Variants in KCNB2 observed in about 807,000 individuals in gnomAD.
KCNB2 encodes delayed rectifier potassium channel protein.
In KCNB2, 15 loss-of-function variants were observed where a neutral mutation model predicts 61.5. The ratio of observed to expected loss-of-function variants is 0.24; its 90% CI spans 0.16 to 0.38. The LOEUF (loss-of-function observed/expected upper bound fraction) is 0.38, where lower values mean the gene tolerates loss of function less well. KCNB2 is among the 10% of genes least tolerant of loss of function. The pLI, the probability that KCNB2 is intolerant of heterozygous loss-of-function variation, is 1.00. For synonymous variants in KCNB2, 457 were observed against 446.0 expected (o/e 1.02, Z -0.31); for missense variants, 828 against 1,125.2 (o/e 0.74, Z 3.78).
intron 2 of KCNB2, among the ~76,000 whole-genome samples, chr8:72,860,251 A>G (rs1810277864): frequency 6.6e-6 from 1 of 151,312 alleles, no homozygotes; most frequent in South Asian, 2.1e-4. Context: ...TTGAGGAACC[A>G]TCAGACTTTT....
At chr8:72,674,473 C>T (rs1450857649) in intron 2 of KCNB2, among the ~76,000 whole-genome samples, 12 of 152,190 alleles carry the variant, frequency 7.9e-5, no homozygotes, top group African/African-American at 2.7e-4. Context: ...CTTGAAGAAG[C>T]AGTGTACAAT....
chr8:72,716,300 T>A (rs1415253822), intron 2 of KCNB2, among the ~76,000 whole-genome samples: 3 of 152,152 alleles, frequency 2.0e-5, no homozygotes, highest in African/African-American at 4.8e-5. Flanking sequence ...GAATCCTCCC[T>A]AACTCATTTT....
chr8:72,772,681 T>G (rs1407494703), intron 2 of KCNB2, among the ~76,000 whole-genome samples: 3 of 152,212 alleles, frequency 2.0e-5, no homozygotes, highest in African/African-American at 7.2e-5. Flanking sequence ...GTAGGAAATA[T>G]CTACAGTATT....
intron 2 of KCNB2, among the ~76,000 whole-genome samples, chr8:72,825,759 T>C (rs1453836461): frequency 6.6e-6 from 1 of 152,182 alleles, no homozygotes; most frequent in African/African-American, 2.4e-5. Flanking sequence ...TTTTTTTAAT[T>C]GTCGAGTTAT....
chr8:72,553,493 T>C (rs1208738296), intron 1 of KCNB2, among the ~76,000 whole-genome samples: 1 of 152,190 alleles, frequency 6.6e-6, no homozygotes, highest in Non-Finnish European at 1.5e-5. Flanking sequence ...CTCAGGGCTT[T>C]CATGCTAAAT....
At chr8:72,622,791 G>A (rs1300493274) in intron 2 of KCNB2, among the ~76,000 whole-genome samples, 1 of 152,136 alleles carries the variant, frequency 6.6e-6, no homozygotes, top group Non-Finnish European at 1.5e-5. Context: ...TTTGAAGTGG[G>A]TTTATCTCCG....
intron 2 of KCNB2, among the ~76,000 whole-genome samples, chr8:72,845,008 G>A (rs566589094): frequency 6.6e-6 from 1 of 152,316 alleles, no homozygotes; most frequent in South Asian, 2.1e-4. Flanking sequence ...TCTTTTGAAG[G>A]AAAAGAGGTG....
chr8:72,890,095 G>C (rs1011522035), intron 2 of KCNB2, among the ~76,000 whole-genome samples: 1 of 152,158 alleles, frequency 6.6e-6, no homozygotes, highest in Non-Finnish European at 1.5e-5. Context: ...AAGAAGGATG[G>C]AGAACATGTT....
At chr8:72,611,624 C>T (rs891146528) in intron 2 of KCNB2, among the ~76,000 whole-genome samples, 3 of 152,154 alleles carry the variant, frequency 2.0e-5, no homozygotes, top group Admixed American at 6.6e-5. Context: ...GTGTAGCAAC[C>T]GGCTTTGCTG....
intron 2 of KCNB2, among the ~76,000 whole-genome samples, chr8:72,730,813 A>G (rs1435675207): frequency 1.3e-5 from 2 of 152,214 alleles, no homozygotes; most frequent in Non-Finnish European, 2.9e-5. Flanking sequence ...GCCAACTTGG[A>G]CAATTTCTTA....
At chr8:72,589,641 T>G (rs184920396) in intron 2 of KCNB2, among the ~76,000 whole-genome samples, 3 of 152,324 alleles carry the variant, frequency 2.0e-5, no homozygotes, top group Admixed American at 2.0e-4. Context: ...CTAATTCTGT[T>G]GACATATTTT....
At position 72,888,002 on chromosome 8, in the gene KCNB2, G is replaced by T. The variant is rs1805834078; in HGVS notation, c.580-47933G>T. 1.3e-5 allele frequency among the ~76,000 whole-genome samples: 2 copies of T among 152,238 alleles called. 1 individual carries two copies. The highest frequency in any genetic ancestry group is 4.1e-4 in the South Asian group (2 of 4,828). ...CCACCTGTGTGTCTTGTCTCCCCAA[G>T]ATTTTAAGCTCCTTAGGCAAGAGCC... On this transcript the variant is annotated intron_variant, in intron 2 of 2. Coordinates refer to ENST00000523207, the MANE Select transcript of KCNB2 (RefSeq NM_004770.3).
chr8:72,594,080 A>G (rs960065854), intron 2 of KCNB2, among the ~76,000 whole-genome samples: 2 of 152,178 alleles, frequency 1.3e-5, no homozygotes, highest in African/African-American at 4.8e-5. Flanking sequence ...ATCTCAAGGA[A>G]TTTAGAGTCT....
intron 2 of KCNB2, among the ~76,000 whole-genome samples, chr8:72,890,676 C>T (rs910935524): frequency 3.3e-5 from 5 of 152,160 alleles, no homozygotes; most frequent in African/African-American, 9.7e-5. Context: ...ACTATAACCC[C>T]GTTTTCCAGA....
At chr8:72,716,344 G>C (rs1252009955) in intron 2 of KCNB2, among the ~76,000 whole-genome samples, 1 of 152,056 alleles carries the variant, frequency 6.6e-6, no homozygotes, top group African/African-American at 2.4e-5. Context: ...CCAAAGCCTG[G>C]CAGAGACACG....
At chr8:72,911,164 G>A (rs760549106) in intron 2 of KCNB2, among the ~76,000 whole-genome samples, 43 of 152,170 alleles carry the variant, frequency 2.8e-4, no homozygotes, top group Admixed American at 1.2e-3. Flanking sequence ...GGTCTCTATC[G>A]AGCAGGAATT....
intron 2 of KCNB2, among the ~76,000 whole-genome samples, chr8:72,666,992 T>C (rs954383119): frequency 1.5e-5 from 2 of 129,516 alleles, no homozygotes; most frequent in Non-Finnish European, 3.0e-5. Context: ...TAAGTGTGTG[T>C]GTGTGTGTGT....
intron 2 of KCNB2, among the ~76,000 whole-genome samples, chr8:72,693,741 A>G (rs1806975195): frequency 6.6e-6 from 1 of 152,206 alleles, no homozygotes; most frequent in South Asian, 2.1e-4. Context: ...CCTGAGAGGA[A>G]ATAAAAGGAG....
chr8:72,761,936 G>A (rs754172118), intron 2 of KCNB2, among the ~76,000 whole-genome samples: 5 of 152,082 alleles, frequency 3.3e-5, no homozygotes, highest in Non-Finnish European at 7.4e-5. Flanking sequence ...AGACTCTATA[G>A]TATAGTATAG....
Sources: gnomAD v4.1 joint callset for allele counts (sites outside exome capture counted in the v4.1 genomes callset) on GRCh38, gnomAD v4.1.1 for gene constraint, MANE v1.5 for transcripts, NCBI Gene and HGNC (gene_info 2026-07-23, HGNC 2026-07-21) for gene names.